KIF26B: variants seen among roughly 807,000 people sequenced by gnomAD.
The protein encoded by KIF26B is kinesin family member 26B, also known as kinesin-like protein KIF26B.
KIF26B carries 63 observed loss-of-function variants against 151.2 expected under a neutral mutation model. The ratio of observed to expected loss-of-function variants is 0.42; its 90% CI spans 0.34 to 0.51. The LOEUF is 0.51. KIF26B is among the 20% of genes least tolerant of loss of function. The pLI is 0.07. For missense variants in KIF26B, 2,813 were observed against 2,913.6 expected, an observed-to-expected ratio of 0.97 and a Z score of 0.79; for synonymous variants, 1,357 against 1,262.1, an observed-to-expected ratio of 1.08 and a Z score of -1.59.
intron 2 of KIF26B, among the ~76,000 whole-genome samples, chr1:245,263,919 C>CA (rs1670695915): frequency 6.6e-6 from 1 of 152,230 alleles, no homozygotes; most frequent in African/African-American, 2.4e-5. Flanking sequence ...TTAGCTTTCT[C>CA]ACGCTGAGCC....
chr1:245,675,593 G>A (rs1295970279), intron 10 of KIF26B, among the ~76,000 whole-genome samples: 3 of 152,172 alleles, frequency 2.0e-5, no homozygotes, highest in East Asian at 3.9e-4. Context: ...TTGTGAGGGT[G>A]GAAAGGGGCT....
At chr1:245,322,088 G>A (rs1325408155) in intron 2 of KIF26B, among the ~76,000 whole-genome samples, 2 of 152,136 alleles carry the variant, frequency 1.3e-5, no homozygotes, top group Non-Finnish European at 2.9e-5. Context: ...GGATGAAGCT[G>A]GAAACCATCA....
intron 3 of KIF26B, among the ~76,000 whole-genome samples, chr1:245,369,852 G>C (rs1673067470): frequency 6.6e-6 from 1 of 152,134 alleles, no homozygotes; most frequent in Non-Finnish European, 1.5e-5. Flanking sequence ...CTAGACTTTT[G>C]GATAGAATCT....
intron 3 of KIF26B, among the ~76,000 whole-genome samples, chr1:245,378,873 C>T (rs1011911764): frequency 2.6e-5 from 4 of 152,190 alleles, no homozygotes; most frequent in Non-Finnish European, 4.4e-5. Flanking sequence ...TGAATTTCCT[C>T]CTCTGCAGAG....
intron 5 of KIF26B, among the ~76,000 whole-genome samples, chr1:245,590,887 G>A (rs2043280867): frequency 6.9e-6 from 1 of 145,482 alleles, no homozygotes; most frequent in South Asian, 2.2e-4. Flanking sequence ...CAGCCTGGGT[G>A]ACAGTGAGAT....
At chr1:245,467,626 G>A (rs1488385641) in intron 4 of KIF26B, among the ~76,000 whole-genome samples, 1 of 152,170 alleles carries the variant, frequency 6.6e-6, no homozygotes, top group African/African-American at 2.4e-5. Flanking sequence ...CGGGCGCGGT[G>A]GCTCATGCCT....
At chr1:245,289,172 T>C (rs1431733946) in intron 2 of KIF26B, among the ~76,000 whole-genome samples, 1 of 152,206 alleles carries the variant, frequency 6.6e-6, no homozygotes, top group Non-Finnish European at 1.5e-5. Flanking sequence ...CCAGAGCTGA[T>C]TGATCAACTC....
chr1:245,384,613 G>A (rs1572035337), intron 3 of KIF26B, among the ~76,000 whole-genome samples: 2 of 152,312 alleles, frequency 1.3e-5, no homozygotes, highest in Non-Finnish European at 2.9e-5. Flanking sequence ...TAAGGAAAAT[G>A]AGGTACAAGT....
chr1:245,539,800 G>GCC (rs1491186187), intron 4 of KIF26B, among the ~76,000 whole-genome samples: 4 of 152,076 alleles, frequency 2.6e-5, no homozygotes, highest in Non-Finnish European at 5.9e-5. Flanking sequence ...TTACAGGCAT[G>GCC]CACCACCACA....
rs2043432480 is a variant in KIF26B, at chr1:245,604,757, C to T, written c.1557+1974C>T. 3.3e-5 allele frequency among the ~76,000 whole-genome samples: 5 copies of T among 152,336 alleles called. No individual in the cohort carries two copies. The South Asian group carries it at 1.0e-3, about 32-fold the overall frequency. Reference sequence around the variant, plus strand: ...CAGTATGCTCAATACTGGAGTTTCGCTCATTTCAGAATGCCTTACTTTCAT... The same window carrying T: ...CAGTATGCTCAATACTGGAGTTTCGTTCATTTCAGAATGCCTTACTTTCAT... On this transcript the variant is annotated intron_variant, in intron 6 of 14. Coordinates refer to ENST00000407071, the MANE Select transcript of KIF26B (RefSeq NM_018012.4).
Position 245,516,584 on chromosome 1 carries a change from AC to A in KIF26B, c.1167-24180del, listed in dbSNP as rs1660970557. On this transcript the variant is annotated intron_variant, in intron 4 of 14. Transcript: ENST00000407071. This position sits in a 1 kb window ranked among gnomAD's most constrained non-coding sequence, Gnocchi z 4.2. ...CAGACTCATTTTTCACTTTCCTTTG[AC>A]CCTGGGTGTCTCCACAAATGAACCA... Among the ~76,000 whole-genome samples the A allele has an allele frequency of 6.6e-6, 1 of 150,560 alleles. No individual in the cohort carries two copies. Among genetic ancestry groups the A allele is most frequent in the African/African-American group, 2.4e-5 (1 of 40,866 alleles).
At position 245,540,573 on chromosome 1, in the gene KIF26B, G is replaced by A. The variant is rs574038369; in HGVS notation, c.1167-194G>A. 48 of 715,510 alleles carry A rather than the reference G, an allele frequency of 6.7e-5. No homozygotes were observed. The highest frequency in any genetic ancestry group is 4.0e-4 in the East Asian group (15 of 37,730). 44.3% of individuals were successfully genotyped at this position (715,510 alleles called of 1,614,324 possible). ...TTATGGCTTTGTTTTTCCTTTTGTC[G>A]TATAAATGATTGGGTAGCTCGTTAA... On this transcript the variant is annotated intron_variant, in intron 4 of 14. Transcript: ENST00000407071. This position sits in a 1 kb window ranked among gnomAD's most constrained non-coding sequence, Gnocchi z 4.6.
chr1:245,348,088 T>C (rs1288651926), intron 2 of KIF26B, among the ~76,000 whole-genome samples: 1 of 152,246 alleles, frequency 6.6e-6, no homozygotes, highest in Non-Finnish European at 1.5e-5. Context: ...CATTCCCTCC[T>C]TCCTGGATGA....
intron 4 of KIF26B, among the ~76,000 whole-genome samples, chr1:245,522,450 G>C (rs1661149391): frequency 6.6e-6 from 1 of 152,186 alleles, no homozygotes; most frequent in African/African-American, 2.4e-5. Context: ...CAGTTGTCCT[G>C]TCCCTGTTCA....
At chr1:245,671,922 G>A (rs974639155) in intron 10 of KIF26B, among the ~76,000 whole-genome samples, 1 of 152,308 alleles carries the variant, frequency 6.6e-6, no homozygotes, top group Admixed American at 6.5e-5. Context: ...CGTGCCCCGA[G>A]CCTGCAGAGC....
chr1:245,276,681 G>A (rs1670944792), intron 2 of KIF26B, among the ~76,000 whole-genome samples: 1 of 152,180 alleles, frequency 6.6e-6, no homozygotes, highest in South Asian at 2.1e-4. Flanking sequence ...GGACTATGGT[G>A]AATGGATGCC....
At chr1:245,615,747 C>A (rs890271581) in intron 9 of KIF26B, among the ~76,000 whole-genome samples, 1 of 152,170 alleles carries the variant, frequency 6.6e-6, no homozygotes, top group Non-Finnish European at 1.5e-5. Flanking sequence ...AGGGGTCGTG[C>A]GATCGGCAGA....
At chr1:245,459,620 G>T (rs560176940) in intron 4 of KIF26B, among the ~76,000 whole-genome samples, 1 of 152,176 alleles carries the variant, frequency 6.6e-6, no homozygotes, top group Non-Finnish European at 1.5e-5. Flanking sequence ...TGGGATGTGC[G>T]GGTGGTATGA....
At chr1:245,181,216 G>C (rs896558601) in intron 2 of KIF26B, among the ~76,000 whole-genome samples, 1 of 150,860 alleles carries the variant, frequency 6.6e-6, no homozygotes, top group Admixed American at 6.6e-5. Context: ...CTTCTTTCTT[G>C]CTCCCTTTCT....
Sources: gnomAD v4.1 joint callset for allele counts (sites outside exome capture counted in the v4.1 genomes callset) on GRCh38, gnomAD v4.1.1 for gene constraint, Gnocchi (gnomAD v3.1) non-coding constraint, MANE v1.5 for transcripts, NCBI Gene and HGNC (gene_info 2026-07-23, HGNC 2026-07-21) for gene names.